ANKFN1: variants seen among roughly 807,000 people sequenced by gnomAD.
ANKFN1 encodes ankyrin repeat and fibronectin type-III domain-containing protein 1.
A neutral mutation model predicts 108.7 loss-of-function variants in ANKFN1; 74 were observed. The ratio of observed to expected loss-of-function variants is 0.68; its 90% CI spans 0.56 to 0.83. The LOEUF (loss-of-function observed/expected upper bound fraction) is 0.83, where lower values mean the gene tolerates loss of function less well. ANKFN1 is among the 40% of genes least tolerant of loss of function. ANKFN1 has a pLI of 0.00. For missense variants in ANKFN1, 1,505 were observed against 1,382.3 expected, an observed-to-expected ratio of 1.09 and a Z score of -1.41; for synonymous variants, 547 against 516.2, an observed-to-expected ratio of 1.06 and a Z score of -0.81.
intron 11 of ANKFN1, among the ~76,000 whole-genome samples, chr17:56,451,809 A>T (rs995002678): frequency 6.6e-6 from 1 of 152,206 alleles, no homozygotes; most frequent in Non-Finnish European, 1.5e-5. Context: ...CATATTCCAT[A>T]GAATTGAAGT....
chr17:56,474,406 A>G (rs2050431610), intron 15 of ANKFN1, among the ~76,000 whole-genome samples: 1 of 152,212 alleles, frequency 6.6e-6, no homozygotes, highest in Non-Finnish European at 1.5e-5. Flanking sequence ...ATTTGCTCTC[A>G]CAGAACCATG....
intron 1 of ANKFN1, among the ~76,000 whole-genome samples, chr17:56,188,833 G>A (rs953199537): frequency 2.0e-5 from 3 of 151,518 alleles, no homozygotes; most frequent in Admixed American, 6.6e-5. Flanking sequence ...CTCCTAGATG[G>A]CTTCAGGATG....
chr17:56,442,908 G>T lies in ANKFN1; in HGVS notation c.1074G>T (p.Thr358=), dbSNP rs765084946. 3 of 1,613,592 alleles carry T rather than the reference G, an allele frequency of 1.9e-6. No individual in the cohort carries two copies. In the African/African-American group the frequency reaches 4.0e-5, roughly 22 times the overall value. Reference sequence around the variant, plus strand: ...AAGGATGGGGACCTGCTCAGACCACGACACCGGCATGTGCCTCTCCTTCTA... The same window carrying T: ...AAGGATGGGGACCTGCTCAGACCACTACACCGGCATGTGCCTCTCCTTCTA... The part of the protein sequence containing the change: ...NMKGWGPAQT[T]TPACASPSNW... The change falls in exon 10 of 21, where the codon ACG becomes ACT. Residue 358 remains threonine, a synonymous_variant. Transcript: ENST00000682825.
At chr17:56,321,360 G>A (rs2045360660) in intron 3 of ANKFN1, among the ~76,000 whole-genome samples, 2 of 151,780 alleles carry the variant, frequency 1.3e-5, no homozygotes, top group South Asian at 2.1e-4. Flanking sequence ...AAGAGATTAG[G>A]GAACGGAAGT....
chr17:56,295,614 C>CA (rs1857948809), intron 3 of ANKFN1, among the ~76,000 whole-genome samples: 1 of 150,902 alleles, frequency 6.6e-6, no homozygotes, highest in African/African-American at 2.5e-5. Flanking sequence ...CGTGTGTGGG[C>CA]GGTGTGTGTG....
intron 4 of ANKFN1, among the ~76,000 whole-genome samples, chr17:56,349,952 G>A (rs762514209): frequency 2.0e-5 from 3 of 152,096 alleles, no homozygotes; most frequent in Non-Finnish European, 2.9e-5. Flanking sequence ...ATGCCAGGCA[G>A]CCAGAGTCTT....
At chr17:56,238,517 C>A (rs1220133235) in intron 3 of ANKFN1, among the ~76,000 whole-genome samples, 1 of 152,052 alleles carries the variant, frequency 6.6e-6, no homozygotes, top group Admixed American at 6.6e-5. Context: ...TTGAATTGAA[C>A]CCTTTACTAT....
chr17:56,346,950 A>T (rs1032514511), intron 4 of ANKFN1, among the ~76,000 whole-genome samples: 1 of 151,986 alleles, frequency 6.6e-6, no homozygotes, highest in Non-Finnish European at 1.5e-5. Flanking sequence ...AATCTCTGTG[A>T]CTTTGGGCAC....
At chr17:56,132,478 A>T (rs1352779340) in intron 4 of ANKFN1, among the ~76,000 whole-genome samples, 1 of 152,102 alleles carries the variant, frequency 6.6e-6, no homozygotes, top group Non-Finnish European at 1.5e-5. Context: ...TATTTTCTTT[A>T]TTCACAATTC....
intron 12 of ANKFN1, 103 bp from the exon 13 acceptor site, chr17:56,457,154 A>C: frequency 8.1e-7 from 1 of 1,236,960 alleles, no homozygotes; most frequent in Non-Finnish European, 1.1e-6. Flanking sequence ...CTTAGCAGGA[A>C]TACGTTCCTA....
At chr17:56,064,647 A>G (rs1255299147) in intron 4 of ANKFN1, among the ~76,000 whole-genome samples, 1 of 152,226 alleles carries the variant, frequency 6.6e-6, no homozygotes, top group African/African-American at 2.4e-5. Context: ...CCACCCAGGC[A>G]GCTTAGCATG....
chr17:56,085,429 C>A (rs962958686), intron 4 of ANKFN1, among the ~76,000 whole-genome samples: 1 of 150,918 alleles, frequency 6.6e-6, no homozygotes, highest in Admixed American at 6.6e-5. Context: ...CCAAGGATAT[C>A]TGGGGACACC....
chr17:56,105,746 ACAG>A (rs1905739934), intron 4 of ANKFN1, among the ~76,000 whole-genome samples: 1 of 109,400 alleles, frequency 9.1e-6, no homozygotes, highest in Non-Finnish European at 1.9e-5. Context: ...TGTGTATGAG[ACAG>A]GGAGAGAGGG....
upstream of ANKFN1, among the ~76,000 whole-genome samples, chr17:56,152,483 A>G (rs1908718565): frequency 6.6e-6 from 1 of 152,098 alleles, no homozygotes. Flanking sequence ...TATTTTTAAA[A>G]AAGCAATTAG....
chr17:56,129,889 A>C (rs1907174527), intron 4 of ANKFN1, among the ~76,000 whole-genome samples: 4 of 152,246 alleles, frequency 2.6e-5, no homozygotes, highest in African/African-American at 9.6e-5. Flanking sequence ...GTCAAAATAC[A>C]GAGAAAACAG....
chr17:56,138,876 C>A lies in ANKFN1; in HGVS notation c.289-89041C>A, dbSNP rs116100133. On this transcript the variant is annotated intron_variant, in intron 4 of 12. Transcript: ENST00000635860. ...ATAATTATCTTTATACTCAATGAAA[C>A]AAACAATATAAAAAAGAATTCAAGT... 8.1e-3 allele frequency among the ~76,000 whole-genome samples: 1,231 copies of A among 152,030 alleles called. 17 individuals carry two copies. Among genetic ancestry groups the A allele is most frequent in the African/African-American group, 0.027 (1,136 of 41,484 alleles).
intron 1 of ANKFN1, among the ~76,000 whole-genome samples, chr17:56,182,860 C>T (rs1314735655): frequency 1.3e-5 from 2 of 152,138 alleles, no homozygotes; most frequent in African/African-American, 4.8e-5. Flanking sequence ...ATGTCAAAGC[C>T]AGTGGACATT....
At chr17:56,261,282 AC>A (rs1255871288) in intron 3 of ANKFN1, among the ~76,000 whole-genome samples, 1 of 152,230 alleles carries the variant, frequency 6.6e-6, no homozygotes, top group African/African-American at 2.4e-5. Context: ...TTGTTAGAAG[AC>A]CAACATGAAA....
At chr17:56,071,648 A>G (rs1486552153) in intron 4 of ANKFN1, among the ~76,000 whole-genome samples, 1 of 152,204 alleles carries the variant, frequency 6.6e-6, no homozygotes, top group Non-Finnish European at 1.5e-5. Flanking sequence ...TTGTTTTTAT[A>G]AAAGGATATC....
Sources: allele counts gnomAD v4.1 joint callset (sites outside exome capture counted in the v4.1 genomes callset), GRCh38; gene constraint gnomAD v4.1.1; transcripts MANE v1.5; gene names NCBI Gene and HGNC (gene_info 2026-07-23, HGNC 2026-07-21).